The following GNA14 variants were observed in gnomAD, a reference collection of about 807,000 sequenced individuals.
GNA14 encodes guanine nucleotide-binding protein subunit alpha-14.
In GNA14, 50 loss-of-function variants were observed where a neutral mutation model predicts 42.0. The ratio of observed to expected loss-of-function variants is 1.19; its 90% CI spans 0.95 to 1.51. The LOEUF (loss-of-function observed/expected upper bound fraction) is 1.51. Ranked by LOEUF, GNA14 falls within the 40% of genes most tolerant of loss-of-function variation. The pLI is 0.00. For synonymous variants in GNA14, 173 were observed against 163.1 expected, an observed-to-expected ratio of 1.06 and a Z score of -0.46; for missense variants, 473 against 446.2, an observed-to-expected ratio of 1.06 and a Z score of -0.54.
At chr9:77,497,020 T>C (rs1452091400) in intron 2 of GNA14, among the ~76,000 whole-genome samples, 1 of 152,188 alleles carries the variant, frequency 6.6e-6, no homozygotes, top group African/African-American at 2.4e-5. Context: ...CCAGAGGTAA[T>C]GTAATCACTG....
intron 2 of GNA14, among the ~76,000 whole-genome samples, chr9:77,506,563 G>A (rs1837074183): frequency 6.6e-6 from 1 of 151,696 alleles, no homozygotes; most frequent in Non-Finnish European, 1.5e-5. Flanking sequence ...TGTAGTCCCA[G>A]CTACTTGGGA....
At chr9:77,641,168 G>A (rs1044590495) in intron 1 of GNA14, among the ~76,000 whole-genome samples, 7 of 134,322 alleles carry the variant, frequency 5.2e-5, no homozygotes, top group African/African-American at 1.9e-4. Context: ...AAGGAAGGAA[G>A]GAAGGAAGGG....
chr9:77,625,294 G>A (rs944362770), intron 1 of GNA14, among the ~76,000 whole-genome samples: 4 of 152,076 alleles, frequency 2.6e-5, no homozygotes, highest in Admixed American at 6.5e-5. Flanking sequence ...AAAGTGACGG[G>A]GAGAATGGAA....
intron 2 of GNA14, among the ~76,000 whole-genome samples, chr9:77,462,350 T>C (rs937566953): frequency 1.3e-5 from 2 of 152,184 alleles, no homozygotes; most frequent in South Asian, 2.1e-4. Context: ...ACAGGCCCAG[T>C]GGCTCTTGCC....
chr9:77,564,568 C>CT (rs1822937118), intron 1 of GNA14, among the ~76,000 whole-genome samples: 1 of 152,142 alleles, frequency 6.6e-6, no homozygotes, highest in African/African-American at 2.4e-5. Context: ...GTGGCTCATG[C>CT]TTGGAGTCCC....
At chr9:77,527,041 G>A (rs1277160137) in intron 2 of GNA14, among the ~76,000 whole-genome samples, 2 of 152,154 alleles carry the variant, frequency 1.3e-5, no homozygotes, top group South Asian at 2.1e-4. Context: ...TTACACAGGA[G>A]CCTTTTCTCC....
intron 1 of GNA14, among the ~76,000 whole-genome samples, chr9:77,640,307 A>G (rs1201253540): frequency 6.6e-6 from 1 of 152,154 alleles, no homozygotes; most frequent in Non-Finnish European, 1.5e-5. Flanking sequence ...AATTTCAACC[A>G]TCTTTAGTAT....
At chr9:77,479,782 A>G (rs1836508177) in intron 2 of GNA14, among the ~76,000 whole-genome samples, 1 of 152,000 alleles carries the variant, frequency 6.6e-6, no homozygotes, top group Non-Finnish European at 1.5e-5. Context: ...TGTAAGTTGG[A>G]TTCCTAGGTA....
intron 1 of GNA14, among the ~76,000 whole-genome samples, chr9:77,623,141 G>A (rs1323880802): frequency 1.4e-4 from 20 of 142,926 alleles, no homozygotes; most frequent in East Asian, 4.1e-4. Context: ...GCTTGAACCC[G>A]GGGAGGCAGA....
At chr9:77,533,258 G>A (rs927467299) in intron 1 of GNA14, among the ~76,000 whole-genome samples, 4 of 152,114 alleles carry the variant, frequency 2.6e-5, no homozygotes, top group Non-Finnish European at 5.9e-5. Context: ...CTCACTGCAT[G>A]TAACCTCCGC....
At chr9:77,495,301 G>A (rs2131739333) in intron 2 of GNA14, among the ~76,000 whole-genome samples, 1 of 152,178 alleles carries the variant, frequency 6.6e-6, no homozygotes, top group Admixed American at 6.5e-5. Flanking sequence ...CTAGTTAGTA[G>A]CTAACTAGCT....
intron 1 of GNA14, among the ~76,000 whole-genome samples, chr9:77,630,080 AAG>A (rs961868680): frequency 4.0e-5 from 6 of 151,090 alleles, no homozygotes; most frequent in Admixed American, 2.0e-4. Context: ...GTTTAGAATT[AAG>A]AGAGTATGGT....
At chr9:77,493,800 G>T (rs184641214) in intron 2 of GNA14, among the ~76,000 whole-genome samples, 1 of 152,118 alleles carries the variant, frequency 6.6e-6, no homozygotes, top group Non-Finnish European at 1.5e-5. Context: ...TATCATTGGT[G>T]GAGGGCTTTT....
At chr9:77,589,666 A>T (rs1205398606) in intron 1 of GNA14, among the ~76,000 whole-genome samples, 1 of 152,158 alleles carries the variant, frequency 6.6e-6, no homozygotes, top group Non-Finnish European at 1.5e-5. Context: ...TAGTCAGTAC[A>T]CAGTGGGTAA....
chr9:77,609,505 A>T (rs1229265410), intron 1 of GNA14, among the ~76,000 whole-genome samples: 1 of 152,186 alleles, frequency 6.6e-6, no homozygotes, highest in Non-Finnish European at 1.5e-5. Context: ...TTTCAAAGCC[A>T]CTTCCACATT....
chr9:77,482,430 A>G (rs1836572376), intron 2 of GNA14, among the ~76,000 whole-genome samples: 1 of 152,184 alleles, frequency 6.6e-6, no homozygotes, highest in African/African-American at 2.4e-5. Context: ...GATCTCTCTT[A>G]GTCTGATGGG....
chr9:77,605,809 T>C (rs1823637321), intron 1 of GNA14, among the ~76,000 whole-genome samples: 1 of 152,250 alleles, frequency 6.6e-6, no homozygotes, highest in South Asian at 2.1e-4. Flanking sequence ...TTTCGCCCCT[T>C]AGTCTCAGTT....
At chr9:77,547,396 T>C (rs893562938) in intron 1 of GNA14, among the ~76,000 whole-genome samples, 1 of 152,198 alleles carries the variant, frequency 6.6e-6, no homozygotes, top group Non-Finnish European at 1.5e-5. Flanking sequence ...AGGAATTCCG[T>C]TGTTACAAGA....
rs1230935704 is a variant in GNA14, at chr9:77,424,354, C to T, written c.878-185G>A. On this transcript the variant is annotated intron_variant, in intron 6 of 6. Transcript: ENST00000341700. ...TCTCCTGCCTCAGCCTCCCAAGTAG[C>T]TGGGATTACAGATGCGTACCACCAC... Among the ~76,000 whole-genome samples the T allele has an allele frequency of 2.0e-5, 3 of 152,322 alleles. No homozygotes were observed. In the East Asian group the frequency reaches 5.8e-4, roughly 29 times the overall value.
Sources: allele counts gnomAD v4.1 joint callset (sites outside exome capture counted in the v4.1 genomes callset), GRCh38; gene constraint gnomAD v4.1.1; transcripts MANE v1.5; gene names NCBI Gene and HGNC (gene_info 2026-07-23, HGNC 2026-07-21).